Variants in LRP1B observed in about 807,000 individuals in gnomAD.
LRP1B encodes the protein low-density lipoprotein receptor-related protein 1B.
LRP1B carries 217 observed loss-of-function variants against 556.6 expected under a neutral mutation model. That is an observed-to-expected ratio of 0.39 (90% CI 0.35 to 0.44). The LOEUF (loss-of-function observed/expected upper bound fraction) is 0.44. LRP1B is among the 20% of genes least tolerant of loss of function. The pLI, the probability that LRP1B is intolerant of heterozygous loss-of-function variation, is 1.00. For missense variants in LRP1B, 5,053 were observed against 5,620.8 expected, an observed-to-expected ratio of 0.90 and a Z score of 3.23; for synonymous variants, 2,047 against 1,865.8, an observed-to-expected ratio of 1.10 and a Z score of -2.50.
intron 2 of LRP1B, among the ~76,000 whole-genome samples, chr2:141,638,097 G>C (rs1055040972): frequency 6.6e-6 from 1 of 152,076 alleles, no homozygotes; most frequent in Non-Finnish European, 1.5e-5. Context: ...TACTTGGAAG[G>C]CTGAGGTAGA....
At position 140,813,817 on chromosome 2, in the gene LRP1B, A is replaced by T. The variant is rs752055418; in HGVS notation, c.5210-11T>A. 6.3e-7 allele frequency: 1 copy of T among 1,587,080 alleles called. No individual in the cohort carries two copies. Among genetic ancestry groups the T allele is most frequent in the Non-Finnish European group, 8.6e-7 (1 of 1,160,916 alleles). ...AGTCTATCGATAGACCTGTAATTAA[A>T]TTTTACAACTTAAACATAATGATAG... is the stretch of plus-strand genomic sequence containing the variant. On this transcript the variant is annotated splice_polypyrimidine_tract_variant and intron_variant, in intron 31 of 90. Transcript: ENST00000389484.
At chr2:140,713,262 C>T (rs1322956003) in intron 37 of LRP1B, among the ~76,000 whole-genome samples, 1 of 151,982 alleles carries the variant, frequency 6.6e-6, no homozygotes, top group Non-Finnish European at 1.5e-5. Context: ...ACATTCTCTT[C>T]CCTCTCTCCA....
chr2:141,135,649 A>G (rs980221804), intron 7 of LRP1B, among the ~76,000 whole-genome samples: 2 of 151,972 alleles, frequency 1.3e-5, no homozygotes, highest in Admixed American at 1.3e-4. Context: ...AGACTGAGTT[A>G]AACTAGAAAT....
intron 35 of LRP1B, among the ~76,000 whole-genome samples, chr2:140,760,519 C>A (rs1688882062): frequency 6.6e-6 from 1 of 152,190 alleles, no homozygotes. Context: ...CTGAATCCCA[C>A]ATATTGAATG....
chr2:141,370,822 T>G (rs944949200), intron 3 of LRP1B, among the ~76,000 whole-genome samples: 1 of 152,166 alleles, frequency 6.6e-6, no homozygotes, highest in Admixed American at 6.6e-5. Context: ...GATTTTTATA[T>G]ATGATGAGAT....
intron 41 of LRP1B, among the ~76,000 whole-genome samples, chr2:140,609,029 T>C (rs1276496622): frequency 6.6e-6 from 1 of 152,138 alleles, no homozygotes; most frequent in Non-Finnish European, 1.5e-5. Flanking sequence ...ATTGAACATA[T>C]ATGTGATATC....
At chr2:141,703,312 T>C (rs1692016329) in intron 2 of LRP1B, among the ~76,000 whole-genome samples, 1 of 151,902 alleles carries the variant, frequency 6.6e-6, no homozygotes, top group Non-Finnish European at 1.5e-5. Flanking sequence ...AACCTGTGCT[T>C]ACTGTTTGGT....
intron 1 of LRP1B, among the ~76,000 whole-genome samples, chr2:141,987,329 T>C (rs1343841355): frequency 6.6e-6 from 1 of 151,958 alleles, no homozygotes; most frequent in African/African-American, 2.4e-5. Context: ...TTTCAGGATG[T>C]CTGTGTTCTC....
At chr2:141,387,489 C>T (rs1281638561) in intron 3 of LRP1B, among the ~76,000 whole-genome samples, 1 of 152,034 alleles carries the variant, frequency 6.6e-6, no homozygotes, top group Admixed American at 6.6e-5. Context: ...GACATTACTT[C>T]CAAACTTTTA....
chr2:141,918,625 T>G (rs1700101699), intron 1 of LRP1B, among the ~76,000 whole-genome samples: 1 of 152,178 alleles, frequency 6.6e-6, no homozygotes, highest in East Asian at 1.9e-4. Flanking sequence ...CAAATCAATT[T>G]CATTCTATTA....
chr2:142,092,437 A>G (rs1706207648), intron 1 of LRP1B, among the ~76,000 whole-genome samples: 2 of 152,154 alleles, frequency 1.3e-5, no homozygotes, highest in Admixed American at 1.3e-4. Flanking sequence ...ATTTCTGAAC[A>G]TTGCCCTCAA....
intron 2 of LRP1B, among the ~76,000 whole-genome samples, chr2:141,751,979 C>A (rs906939279): frequency 3.3e-5 from 5 of 151,096 alleles, no homozygotes; most frequent in Non-Finnish European, 7.4e-5. Context: ...CAATAAACAG[C>A]AATCTTTGTA....
intron 55 of LRP1B, among the ~76,000 whole-genome samples, chr2:140,500,492 C>A (rs1359511259): frequency 6.6e-6 from 1 of 151,996 alleles, no homozygotes; most frequent in Non-Finnish European, 1.5e-5. Context: ...CATTTAGCCA[C>A]TGCAGAAACA....
chr2:141,619,144 C>T (rs556130687), intron 2 of LRP1B, among the ~76,000 whole-genome samples: 1 of 152,292 alleles, frequency 6.6e-6, no homozygotes, highest in South Asian at 2.1e-4. Flanking sequence ...TTATGCCACT[C>T]CCCACCTCAA....
In LRP1B at chr2:140,769,227, A is replaced by G. The variant is rs1300626083; in HGVS notation, c.5744T>C (p.Ile1915Thr). The G allele has an allele frequency of 6.2e-7, 1 of 1,611,724 alleles. No homozygotes were observed. The highest frequency in any genetic ancestry group is 1.7e-5 in the Admixed American group (1 of 59,840). The change falls in exon 35 of 91, where the codon ATA becomes ACA. Residue 1915 changes from isoleucine to threonine, a missense_variant. This residue lies in a region of LRP1B where 3,619 missense variants were observed against 3,931.9 expected (regional missense o/e 0.92). Transcript: ENST00000389484. ...PISGTSFAVGIDFHAENDTIY... is the reference protein window; with the variant it reads ...PISGTSFAVGTDFHAENDTIY... Reference sequence around the variant, plus strand: ...AAGCTATTTACCTGCATGGAAATCTATTCCCACGGCAAATGAAGTTCCTGA... The same window carrying G: ...AAGCTATTTACCTGCATGGAAATCTGTTCCCACGGCAAATGAAGTTCCTGA...
In LRP1B at chr2:141,949,925, A is replaced by G. The variant is rs553683812; in HGVS notation, c.83-139524T>C. Among the ~76,000 whole-genome samples, 3 of 152,270 alleles carry G rather than the reference A, an allele frequency of 2.0e-5. No individual in the cohort carries two copies. The South Asian group carries it at 6.2e-4, about 32-fold the overall frequency. On this transcript the variant is annotated intron_variant, in intron 1 of 90. Transcript: ENST00000389484. ...AAAAGACAAATTATCCTTCCTATGA[A>G]CTAATCACTGTATACAATAAGATTG...
intron 27 of LRP1B, among the ~76,000 whole-genome samples, chr2:140,853,469 T>G (rs1692521919): frequency 2.0e-5 from 3 of 152,146 alleles, no homozygotes; most frequent in African/African-American, 4.8e-5. Flanking sequence ...GCCATGAACC[T>G]GAGATGGGTA....
chr2:140,967,275 T>A (rs4578798), intron 18 of LRP1B, among the ~76,000 whole-genome samples: 120,701 of 150,306 alleles, frequency 0.8, 49,223 homozygotes, highest in Non-Finnish European at 0.87. Context: ...TGTAAGTTGG[T>A]TTCCTAGGTA....
intron 23 of LRP1B, among the ~76,000 whole-genome samples, chr2:140,893,268 G>T (rs1247649200): frequency 6.6e-6 from 1 of 152,192 alleles, no homozygotes; most frequent in Admixed American, 6.5e-5. Flanking sequence ...ATAATCATTT[G>T]CTGCAAAATG....
Sources: gnomAD v4.1 joint callset for allele counts (sites outside exome capture counted in the v4.1 genomes callset) on GRCh38, gnomAD v4.1.1 for gene constraint, gnomAD v4.1.1 regional missense constraint, MANE v1.5 for transcripts, NCBI Gene and HGNC (gene_info 2026-07-23, HGNC 2026-07-21) for gene names.